TCERG1L: variants seen among roughly 807,000 people sequenced by gnomAD.
TCERG1L encodes the protein transcription elongation regulator 1 like.
Under a neutral mutation model 56.3 loss-of-function variants are expected in TCERG1L, and 37 were observed. The ratio of observed to expected loss-of-function variants is 0.66; its 90% CI spans 0.51 to 0.87. TCERG1L has a LOEUF of 0.87. Ranked by LOEUF, TCERG1L falls within the 40% of genes least tolerant of loss-of-function variation. The probability of loss-of-function intolerance (pLI) is 0.00; values close to 1 mark genes in which losing one functional copy is unlikely to be tolerated. For missense variants in TCERG1L, 799 were observed against 774.2 expected, an observed-to-expected ratio of 1.03 and a Z score of -0.38; for synonymous variants, 324 against 326.3, an observed-to-expected ratio of 0.99 and a Z score of 0.08.
intron 3 of TCERG1L, among the ~76,000 whole-genome samples, chr10:131,279,237 A>T (rs1279202877): frequency 6.6e-6 from 1 of 152,060 alleles, no homozygotes; most frequent in Non-Finnish European, 1.5e-5. Flanking sequence ...CGCTCTAAAC[A>T]TGGGTTGACT....
At position 131,138,032 on chromosome 10, in the gene TCERG1L, G is replaced by A. The variant is rs184582247; in HGVS notation, c.1190-3584C>T. Among the ~76,000 whole-genome samples the A allele has an allele frequency of 2.0e-4, 30 of 152,288 alleles. No homozygotes were observed. The East Asian group carries it at 5.8e-3, about 29-fold the overall frequency. ...GTCTGTAATCCCAGCACTTTGGGAC[G>A]CAGAGGTGGGCAGATCACCTGAGGT... On this transcript the variant is annotated intron_variant, in intron 7 of 11. Coordinates refer to ENST00000368642, the MANE Select transcript of TCERG1L (RefSeq NM_174937.4).
rs547730921 is a variant in TCERG1L, at chr10:131,112,362, C to A, written c.1395+4437G>T. On this transcript the variant is annotated intron_variant, in intron 9 of 11. Coordinates refer to ENST00000368642, the MANE Select transcript of TCERG1L (RefSeq NM_174937.4). The stretch of plus-strand genomic sequence containing the variant: ...TGGGCCCAGATGCCCCAACCTACCC[C>A]CAGCGGGCTCCTTCCCAGGACTTTC... 6.0e-4 allele frequency among the ~76,000 whole-genome samples: 86 copies of A among 142,950 alleles called. 11 individuals carry two copies. The highest frequency in any genetic ancestry group is 1.5e-3 in the African/African-American group (62 of 40,662). 93.8% of individuals were successfully genotyped at this position (142,950 alleles called of 152,430 possible). A position where few individuals can be genotyped will look rare whatever the true frequency, so the allele number is the denominator to read the frequency against.
chr10:131,165,229 G>A (rs1332721988), intron 5 of TCERG1L, among the ~76,000 whole-genome samples: 2 of 152,272 alleles, frequency 1.3e-5, no homozygotes, highest in South Asian at 2.1e-4. Context: ...CAGCCCAGAG[G>A]GAAGGACAAG....
chr10:131,281,998 C>T (rs573977337), intron 3 of TCERG1L, among the ~76,000 whole-genome samples: 287 of 151,966 alleles, frequency 1.9e-3, no homozygotes, highest in Non-Finnish European at 3.4e-3. Context: ...TAGCCAGGCG[C>T]GGTGGCGGGC....
intron 8 of TCERG1L, among the ~76,000 whole-genome samples, chr10:131,124,669 G>A (rs1317963545): frequency 3.9e-5 from 6 of 152,170 alleles, no homozygotes; most frequent in African/African-American, 1.4e-4. Flanking sequence ...CTGCCTGTCC[G>A]TGGATGTGCA....
At chr10:131,107,267 G>A (rs902356638) in intron 9 of TCERG1L, among the ~76,000 whole-genome samples, 32 of 152,284 alleles carry the variant, frequency 2.1e-4, no homozygotes, top group African/African-American at 7.2e-4. Flanking sequence ...CAGGGAGAGA[G>A]GATTAGACCC....
At chr10:131,191,879 A>AAAAAAAAAAAG (rs1845306381) in intron 4 of TCERG1L, among the ~76,000 whole-genome samples, 1 of 137,968 alleles carries the variant, frequency 7.2e-6, no homozygotes, top group Non-Finnish European at 1.6e-5. Context: ...AAAAAAAAAA[A>AAAAAAAAAAAG]AAAAAAAAAA....
At chr10:131,145,653 C>T (rs1845786182) in intron 7 of TCERG1L, among the ~76,000 whole-genome samples, 1 of 152,198 alleles carries the variant, frequency 6.6e-6, no homozygotes, top group Non-Finnish European at 1.5e-5. Flanking sequence ...CATCATCTAG[C>T]ATTAGCCCTC....
chr10:131,113,397 G>A (rs1174065060), intron 9 of TCERG1L, among the ~76,000 whole-genome samples: 1 of 141,884 alleles, frequency 7.0e-6, no homozygotes, highest in African/African-American at 2.5e-5. Context: ...CTCCTGGGAG[G>A]CAGAGTTGCC....
chr10:131,250,984 T>C (rs763837539), intron 4 of TCERG1L, among the ~76,000 whole-genome samples: 3 of 152,108 alleles, frequency 2.0e-5, no homozygotes, highest in Non-Finnish European at 4.4e-5. Flanking sequence ...TTCCCACCTG[T>C]GCTTCTAGAT....
At chr10:131,139,146 C>T (rs1314992549) in intron 7 of TCERG1L, among the ~76,000 whole-genome samples, 1 of 152,224 alleles carries the variant, frequency 6.6e-6, no homozygotes, top group Non-Finnish European at 1.5e-5. Context: ...TCTACCAGTA[C>T]AAGTGTGAAC....
At chr10:131,110,543 AC>A (rs774212858) in intron 9 of TCERG1L, among the ~76,000 whole-genome samples, 6 of 152,342 alleles carry the variant, frequency 3.9e-5, no homozygotes, top group Non-Finnish European at 7.3e-5. Flanking sequence ...ACCCCAAAGC[AC>A]GGCCCGAGCC....
intron 4 of TCERG1L, among the ~76,000 whole-genome samples, chr10:131,203,167 G>A (rs1025539694): frequency 2.0e-5 from 3 of 152,288 alleles, no homozygotes; most frequent in East Asian, 3.9e-4. Flanking sequence ...TAGTGACAGT[G>A]TTCATGGATA....
At chr10:131,180,598 C>T (rs190646933) in intron 4 of TCERG1L, among the ~76,000 whole-genome samples, 171 of 152,116 alleles carry the variant, frequency 1.1e-3, no homozygotes, top group African/African-American at 4.0e-3. Context: ...CAAGGGGGGC[C>T]GGTACTATTC....
At chr10:131,251,173 C>T (rs1384336378) in intron 4 of TCERG1L, among the ~76,000 whole-genome samples, 1 of 152,180 alleles carries the variant, frequency 6.6e-6, no homozygotes, top group Non-Finnish European at 1.5e-5. Context: ...AGATTCCACA[C>T]TGCCACCTCT....
At chr10:131,235,189 C>T (rs1055486422) in intron 4 of TCERG1L, among the ~76,000 whole-genome samples, 1 of 152,170 alleles carries the variant, frequency 6.6e-6, no homozygotes, top group African/African-American at 2.4e-5. Flanking sequence ...AATGCTTATG[C>T]CTAATGTAGT....
At chr10:131,204,034 C>T (rs2133478595) in intron 4 of TCERG1L, among the ~76,000 whole-genome samples, 1 of 152,310 alleles carries the variant, frequency 6.6e-6, no homozygotes, top group South Asian at 2.1e-4. Context: ...GAGAGCAGAG[C>T]CCTCATGGAT....
At position 131,263,246 on chromosome 10, in the gene TCERG1L, T is replaced by A. The variant is rs79954712; in HGVS notation, c.671-2802A>T. Among the ~76,000 whole-genome samples, 1,240 of 152,282 alleles carry A rather than the reference T, an allele frequency of 8.1e-3. 25 individuals are homozygous for A. The highest frequency in any genetic ancestry group is 0.028 in the African/African-American group (1,162 of 41,558). On this transcript the variant is annotated intron_variant, in intron 3 of 11. Coordinates refer to ENST00000368642, the MANE Select transcript of TCERG1L (RefSeq NM_174937.4). ...GATGTCGGCTTTTCTAAAAAGTATG[T>A]CATGGAATCTACTTGTTGCCATAGA...
intron 3 of TCERG1L, among the ~76,000 whole-genome samples, chr10:131,266,367 A>G (rs1002431682): frequency 2.6e-5 from 4 of 152,212 alleles, no homozygotes; most frequent in African/African-American, 4.8e-5. Context: ...CCTATGAATT[A>G]TGAATGTTCA....
Sources: allele counts gnomAD v4.1 joint callset (sites outside exome capture counted in the v4.1 genomes callset), GRCh38; gene constraint gnomAD v4.1.1; transcripts MANE v1.5; gene names NCBI Gene and HGNC (gene_info 2026-07-23, HGNC 2026-07-21).